The following CREB5 variants were observed in gnomAD, a reference collection of about 807,000 sequenced individuals.
The protein encoded by CREB5 is cAMP responsive element binding protein 5.
In CREB5, 19 loss-of-function variants were observed where a neutral mutation model predicts 57.1. The ratio of observed to expected loss-of-function variants is 0.33; its 90% confidence interval spans 0.23 to 0.49. The LOEUF is 0.49. Ranked by LOEUF, CREB5 falls within the 20% of genes least tolerant of loss-of-function variation. The probability of loss-of-function intolerance (pLI) is 0.99; values close to 1 mark genes in which losing one functional copy is unlikely to be tolerated. For missense variants in CREB5, 579 were observed against 671.6 expected (o/e 0.86, Z 1.52); for synonymous variants, 238 against 238.3 (o/e 1.00, Z 0.01).
chr7:28,635,895 T>C (rs753118364), intron 5 of CREB5, among the ~76,000 whole-genome samples: 1 of 152,198 alleles, frequency 6.6e-6, no homozygotes, highest in African/African-American at 2.4e-5. Flanking sequence ...AGCCAGGCCA[T>C]TGTTGCATGT....
chr7:28,346,030 T>C (rs879779771), intron 1 of CREB5, among the ~76,000 whole-genome samples: 1 of 152,072 alleles, frequency 6.6e-6, no homozygotes, highest in Non-Finnish European at 1.5e-5. Flanking sequence ...GGGGGCACCG[T>C]AGTGATGGGT....
At chr7:28,658,957 A>ATATATATATATATATATATG (rs1297878960) in intron 5 of CREB5, among the ~76,000 whole-genome samples, 1 of 111,812 alleles carries the variant, frequency 8.9e-6, no homozygotes, top group Non-Finnish European at 1.7e-5. Flanking sequence ...GTGTGTGTAT[A>ATATATATATATATATATATG]TATATATATA....
chr7:28,455,183 A>G (rs1199004047), intron 1 of CREB5, among the ~76,000 whole-genome samples: 1 of 152,224 alleles, frequency 6.6e-6, no homozygotes, highest in Non-Finnish European at 1.5e-5. Flanking sequence ...TTCACTTATC[A>G]GTGGGCACAT....
chr7:28,790,453 AGAGAGAGATAGAGAGAGAG>A (rs1807612106), intron 7 of CREB5, among the ~76,000 whole-genome samples: 3 of 35,042 alleles, frequency 8.6e-5, no homozygotes, highest in East Asian at 5.8e-4. Flanking sequence ...AGAGAGAGAG[AGAGAGAGATAGAGAGAGAG>A]AGAAAGAAAG....
rs962196773 is a variant in CREB5, at chr7:28,559,561, C to T, written c.292-10804C>T. ...AACTCCTGAGCTCAGGCAATCCGCC[C>T]GCCTCAGCCTCCCAAAAAGCTGGGA... is the stretch of plus-strand genomic sequence containing the variant. On this transcript the variant is annotated intron_variant, in intron 4 of 10. Transcript: ENST00000357727. Among the ~76,000 whole-genome samples, 21 of 146,448 alleles carry T rather than the reference C, an allele frequency of 1.4e-4. No individual in the cohort carries two copies. The South Asian group carries it at 2.9e-3, about 20-fold the overall frequency.
chr7:28,427,985 A>T (rs1022120504), intron 1 of CREB5, among the ~76,000 whole-genome samples: 4 of 152,230 alleles, frequency 2.6e-5, no homozygotes, highest in Admixed American at 2.0e-4. Context: ...GTAAGTGCTA[A>T]AAAGAAAGAT....
chr7:28,517,325 G>C (rs932270146), intron 4 of CREB5, among the ~76,000 whole-genome samples: 1 of 152,206 alleles, frequency 6.6e-6, no homozygotes. Flanking sequence ...TTTACTCTGA[G>C]AACTCTGCTC....
intron 1 of CREB5, among the ~76,000 whole-genome samples, chr7:28,438,642 T>G (rs1332839996): frequency 3.3e-5 from 5 of 152,194 alleles, no homozygotes; most frequent in Admixed American, 3.3e-4. Flanking sequence ...TGAAGCTTTC[T>G]TGTGTGTGAA....
intron 5 of CREB5, among the ~76,000 whole-genome samples, chr7:28,679,464 T>C (rs1189422564): frequency 5.3e-5 from 8 of 152,136 alleles, no homozygotes; most frequent in Non-Finnish European, 7.4e-5. Flanking sequence ...GTGTGGGCCC[T>C]GATGAGATTT....
At chr7:28,543,220 C>A (rs1253158048) in intron 4 of CREB5, among the ~76,000 whole-genome samples, 1 of 152,160 alleles carries the variant, frequency 6.6e-6, no homozygotes, top group Non-Finnish European at 1.5e-5. Flanking sequence ...TCAGACAGTG[C>A]AGGAAGGCAT....
At chr7:28,397,799 A>G (rs1319977261) in intron 1 of CREB5, among the ~76,000 whole-genome samples, 1 of 152,152 alleles carries the variant, frequency 6.6e-6, no homozygotes, top group Non-Finnish European at 1.5e-5. Context: ...TGACAACCCT[A>G]TGAAGCCAGT....
intron 1 of CREB5, among the ~76,000 whole-genome samples, chr7:28,436,002 T>C (rs1353862302): frequency 6.6e-6 from 1 of 152,082 alleles, no homozygotes; most frequent in Non-Finnish European, 1.5e-5. Context: ...CATGTCAGAG[T>C]GGCTTGTGGC....
At chr7:28,724,567 G>A (rs1173257379) in intron 7 of CREB5, 3 of 477,294 alleles carry the variant, frequency 6.3e-6, no homozygotes, top group Admixed American at 3.5e-5. Context: ...GGAACATTTA[G>A]GAGTTTTGGT....
At chr7:28,338,913 A>G (rs1190275107) in intron 1 of CREB5, among the ~76,000 whole-genome samples, 3 of 151,964 alleles carry the variant, frequency 2.0e-5, no homozygotes, top group African/African-American at 7.3e-5. Context: ...TAAGAGACTG[A>G]TGCGTTCTCC....
chr7:28,305,416 G>A (rs148573073), intron 1 of CREB5, among the ~76,000 whole-genome samples: 1 of 152,122 alleles, frequency 6.6e-6, no homozygotes, highest in South Asian at 2.1e-4. Context: ...TGTTTCCTTC[G>A]ACATCAGTGT....
At chr7:28,415,260 A>G (rs1405825018) in intron 1 of CREB5, among the ~76,000 whole-genome samples, 1 of 152,068 alleles carries the variant, frequency 6.6e-6, no homozygotes. Flanking sequence ...GGGCTAGGGG[A>G]GGGCCTCGGA....
At chr7:28,517,837 C>A (rs1005194951) in intron 4 of CREB5, among the ~76,000 whole-genome samples, 13 of 151,996 alleles carry the variant, frequency 8.6e-5, no homozygotes, top group Admixed American at 7.2e-4. Flanking sequence ...CCAGTCCAGT[C>A]CTCTTGTTTG....
chr7:28,421,930 G>GTA (rs1451044594), intron 1 of CREB5, among the ~76,000 whole-genome samples: 287 of 34,248 alleles, frequency 8.4e-3, no homozygotes, highest in African/African-American at 0.013. Flanking sequence ...GTGTGTATGT[G>GTA]TATATATATA....
chr7:28,586,088 C>T (rs1255630851), intron 5 of CREB5, among the ~76,000 whole-genome samples: 1 of 152,078 alleles, frequency 6.6e-6, no homozygotes, highest in African/African-American at 2.4e-5. Flanking sequence ...TCTTGATTCC[C>T]TTACTATTTT....
Sources: allele counts gnomAD v4.1 joint callset (sites outside exome capture counted in the v4.1 genomes callset), GRCh38; gene constraint gnomAD v4.1.1; transcripts MANE v1.5; gene names NCBI Gene and HGNC (gene_info 2026-07-23, HGNC 2026-07-21).